Variants in ARHGAP26 observed in about 807,000 individuals in gnomAD.
ARHGAP26 encodes Rho GTPase activating protein 26.
In ARHGAP26, 38 loss-of-function variants were observed where a neutral mutation model predicts 104.8. The observed-to-expected ratio is 0.36, with a 90% CI of 0.28 to 0.48. The LOEUF is 0.48. Among genes scored for constraint, ARHGAP26 ranks in the 20% least tolerant of loss-of-function variants. ARHGAP26 has a pLI of 0.99. For missense variants in ARHGAP26, 704 were observed against 947.9 expected, an observed-to-expected ratio of 0.74 and a Z score of 3.38; for synonymous variants, 341 against 340.0, an observed-to-expected ratio of 1.00 and a Z score of -0.03.
chr5:142,982,222 G>C (rs1183218364), intron 11 of ARHGAP26, among the ~76,000 whole-genome samples: 1 of 152,272 alleles, frequency 6.6e-6, no homozygotes, highest in Non-Finnish European at 1.5e-5. Flanking sequence ...TACATAAGTT[G>C]TTGGAGCAGT....
chr5:143,054,557 C>A, intron 15 of ARHGAP26, 31 bp downstream of exon 15: 2 of 1,475,286 alleles, frequency 1.4e-6, no homozygotes, highest in Non-Finnish European at 1.9e-6. Context: ...AGGCAGAGTG[C>A]CAGCTAGTTA....
In ARHGAP26 at chr5:143,121,081, A is replaced by G; in HGVS notation, c.1632A>G (p.Val544=). Residue 544 remains valine, a synonymous_variant, in exon 18 of 23, where the codon GTA becomes GTG. Coordinates refer to ENST00000645722, the MANE Select transcript of ARHGAP26 (RefSeq NM_001135608.3). The part of the protein sequence containing the change: ...PTLLRPQEET[V]AAIMDIKFQN... ...TGCTGAGGCCTCAGGAAGAAACAGT[A>G]GCAGCCATCATGGACATCAAATTTC... 1 of 1,613,810 alleles carries G rather than the reference A, an allele frequency of 6.2e-7. No individual in the cohort carries two copies. The highest frequency in any genetic ancestry group is 8.5e-7 in the Non-Finnish European group (1 of 1,179,778).
intron 4 of ARHGAP26, among the ~76,000 whole-genome samples, chr5:142,884,363 G>A (rs1757421632): frequency 6.6e-6 from 1 of 152,364 alleles, no homozygotes; most frequent in East Asian, 1.9e-4. Flanking sequence ...TAGAACCACA[G>A]TGACCCAATG....
chr5:142,801,403 G>A (rs1413117305), intron 1 of ARHGAP26, among the ~76,000 whole-genome samples: 1 of 151,968 alleles, frequency 6.6e-6, no homozygotes, highest in African/African-American at 2.4e-5. Flanking sequence ...ACTTTATAAT[G>A]TATAGTGTCA....
At chr5:142,859,519 C>G (rs1561965872) in intron 1 of ARHGAP26, 1 of 152,190 alleles carries the variant, frequency 6.6e-6, no homozygotes, top group Non-Finnish European at 1.5e-5. Flanking sequence ...ATGAACTCTT[C>G]TGTTCATCTT....
chr5:142,959,465 G>A (rs1295364824), intron 11 of ARHGAP26, among the ~76,000 whole-genome samples: 1 of 152,188 alleles, frequency 6.6e-6, no homozygotes. Flanking sequence ...CCAAACACAT[G>A]CCTGTGATTG....
At chr5:143,114,059 T>C (rs1439192708) in intron 17 of ARHGAP26, among the ~76,000 whole-genome samples, 4 of 152,224 alleles carry the variant, frequency 2.6e-5, no homozygotes, top group Admixed American at 1.3e-4. Context: ...GTGACAGTGG[T>C]ACCTGCCTGC....
At chr5:142,885,169 G>C (rs1757530813) in intron 4 of ARHGAP26, 129 bp from the exon 5 acceptor site, 1 of 704,198 alleles carries the variant, frequency 1.4e-6, no homozygotes, top group Non-Finnish European at 2.5e-6. Context: ...GGATTTAATG[G>C]GCATTACCTG....
At chr5:143,212,547 A>T (rs115473945) in intron 21 of ARHGAP26, among the ~76,000 whole-genome samples, 2 of 151,304 alleles carry the variant, frequency 1.3e-5, no homozygotes, top group Non-Finnish European at 2.9e-5. Flanking sequence ...AATACTAAGG[A>T]CTCTTCTTTC....
intron 11 of ARHGAP26, among the ~76,000 whole-genome samples, chr5:142,961,518 G>A (rs1668101181): frequency 6.6e-6 from 1 of 152,082 alleles, no homozygotes; most frequent in Admixed American, 6.6e-5. Context: ...GGTCCAGAGA[G>A]TTTAAATGTC....
rs17099770 is a variant in ARHGAP26 at position 142,982,814 on chromosome 5, T to C, written c.1108-31266T>C. On this transcript the variant is annotated intron_variant, in intron 11 of 22. Coordinates refer to ENST00000645722, the MANE Select transcript of ARHGAP26 (RefSeq NM_001135608.3). ...GAGTGGGAGGAAGATGGACCAGAAA[T>C]TGATGTGAGGCCCTGGGATCTTCAG... 1.7e-3 allele frequency among the ~76,000 whole-genome samples: 261 copies of C among 152,222 alleles called. 3 individuals are homozygous for C. Among genetic ancestry groups the C allele is most frequent in the Admixed American group, 0.013 (206 of 15,278 alleles).
chr5:142,993,966 A>G (rs1426218718), intron 11 of ARHGAP26, among the ~76,000 whole-genome samples: 4 of 152,308 alleles, frequency 2.6e-5, no homozygotes, highest in African/African-American at 4.8e-5. Context: ...CACTTTTTGA[A>G]GTTAATGTTA....
chr5:142,819,988 G>A lies in ARHGAP26; in HGVS notation c.154+49073G>A, dbSNP rs976464204. Among the ~76,000 whole-genome samples the A allele has an allele frequency of 9.9e-5, 15 of 152,246 alleles. No individual in the cohort carries two copies. The South Asian group carries it at 2.1e-3, about 21-fold the overall frequency. On this transcript the variant is annotated intron_variant, in intron 1 of 22. Coordinates refer to ENST00000645722, the MANE Select transcript of ARHGAP26 (RefSeq NM_001135608.3). ...AGACAACATTTTGGATTTACTTACC[G>A]GTCTGCCGTTGTTTGTGGAGGAGGG...
At chr5:142,792,154 C>T (rs1759983089) in intron 1 of ARHGAP26, among the ~76,000 whole-genome samples, 1 of 152,194 alleles carries the variant, frequency 6.6e-6, no homozygotes. Context: ...GGAACCACAT[C>T]TCTTGTTCTT....
intron 1 of ARHGAP26, among the ~76,000 whole-genome samples, chr5:142,784,292 T>C (rs1306890905): frequency 6.6e-6 from 1 of 152,354 alleles, no homozygotes; most frequent in East Asian, 1.9e-4. Context: ...GCTTTTGGCC[T>C]CTGTGTCTTT....
At chr5:143,115,846 C>T (rs1375761501) in intron 17 of ARHGAP26, among the ~76,000 whole-genome samples, 3 of 152,194 alleles carry the variant, frequency 2.0e-5, no homozygotes, top group African/African-American at 7.2e-5. Flanking sequence ...TGTCTTATTC[C>T]AACTACTGTG....
chr5:142,925,794 A>T (rs1033163113), intron 10 of ARHGAP26, among the ~76,000 whole-genome samples: 4 of 152,104 alleles, frequency 2.6e-5, no homozygotes, highest in Non-Finnish European at 4.4e-5. Context: ...TTGACCCTTA[A>T]ATATACAGTA....
intron 11 of ARHGAP26, among the ~76,000 whole-genome samples, chr5:142,935,655 G>A (rs1489978306): frequency 1.3e-5 from 2 of 152,156 alleles, no homozygotes; most frequent in African/African-American, 4.8e-5. Context: ...TAGGATGGAT[G>A]AATTGACCAG....
At position 142,963,164 on chromosome 5, in the gene ARHGAP26, G is replaced by GA. The variant is rs1770567184; in HGVS notation, c.1107+31039_1107+31040insA. ...TTTTATGGCTGTGTAGTATTCCATG[G>GA]TATATATGTATATATATATATATAT... On this transcript the variant is annotated intron_variant, in intron 11 of 22. Transcript: ENST00000645722. Among the ~76,000 whole-genome samples the GA allele has an allele frequency of 2.0e-4, 15 of 75,474 alleles. No homozygotes were observed. The South Asian group carries it at 8.8e-3, about 44-fold the overall frequency. 49.5% of individuals were successfully genotyped at this position (75,474 alleles called of 152,430 possible).
Sources: allele counts gnomAD v4.1 joint callset (sites outside exome capture counted in the v4.1 genomes callset), GRCh38; gene constraint gnomAD v4.1.1; transcripts MANE v1.5; gene names NCBI Gene and HGNC (gene_info 2026-07-23, HGNC 2026-07-21).